The following PCDH15 variants were observed in gnomAD, a reference collection of about 807,000 sequenced individuals.
PCDH15 encodes the protein protocadherin-15.
PCDH15 carries 129 observed loss-of-function variants against 178.5 expected under a neutral mutation model. That is an observed-to-expected ratio of 0.72 (90% CI 0.63 to 0.84). The LOEUF (loss-of-function observed/expected upper bound fraction) is 0.84. Among genes scored for constraint, PCDH15 ranks in the 40% least tolerant of loss-of-function variants. The probability of loss-of-function intolerance (pLI) is 0.00; values close to 1 mark genes in which losing one functional copy is unlikely to be tolerated. For missense variants in PCDH15, 2,230 were observed against 2,099.9 expected, an observed-to-expected ratio of 1.06 and a Z score of -1.21; for synonymous variants, 800 against 732.0, an observed-to-expected ratio of 1.09 and a Z score of -1.50.
chr10:54,999,708 AAAATTCAGCCAGATATCGGGCG>A (rs1839750005), intron 2 of PCDH15, among the ~76,000 whole-genome samples: 1 of 152,168 alleles, frequency 6.6e-6, no homozygotes, highest in Admixed American at 6.5e-5. Context: ...GATATCGGGG[AAAATTCAGCCAGATATCGGGCG>A]AAATTCACCC....
intron 13 of PCDH15, among the ~76,000 whole-genome samples, chr10:54,175,157 T>TA (rs1431161434): frequency 6.6e-6 from 1 of 152,146 alleles, no homozygotes; most frequent in Non-Finnish European, 1.5e-5. Context: ...TAAGTAAATA[T>TA]AACCCTCAAA....
chr10:54,865,825 G>C (rs1953929530), intron 3 of PCDH15, among the ~76,000 whole-genome samples: 1 of 152,138 alleles, frequency 6.6e-6, no homozygotes. Flanking sequence ...AATGTTTGGA[G>C]AACTTAGCTT....
intron 26 of PCDH15, among the ~76,000 whole-genome samples, chr10:53,889,862 A>C (rs2081429285): frequency 6.6e-6 from 1 of 152,230 alleles, no homozygotes; most frequent in African/African-American, 2.4e-5. Flanking sequence ...ATATAGTGTG[A>C]GAAAATGAAT....
At chr10:54,569,295 C>T (rs2089471363) in intron 2 of PCDH15, among the ~76,000 whole-genome samples, 1 of 152,006 alleles carries the variant, frequency 6.6e-6, no homozygotes, top group African/African-American at 2.4e-5. Flanking sequence ...GCACAATAGG[C>T]CATTCAATTA....
chr10:53,939,793 A>T (rs1219940891), intron 24 of PCDH15, among the ~76,000 whole-genome samples: 1 of 152,142 alleles, frequency 6.6e-6, no homozygotes. Context: ...TGTGGGGGAC[A>T]GACGTTAATA....
chr10:55,535,383 AC>A (rs1264412747), intron 2 of PCDH15, among the ~76,000 whole-genome samples: 2 of 152,086 alleles, frequency 1.3e-5, no homozygotes, highest in Non-Finnish European at 2.9e-5. Context: ...ATAAGCCTCT[AC>A]TAGGGCAACA....
chr10:55,084,010 T>A (rs1288611454), intron 2 of PCDH15, among the ~76,000 whole-genome samples: 3 of 151,600 alleles, frequency 2.0e-5, no homozygotes, highest in African/African-American at 7.3e-5. Context: ...CCCAAAGCAA[T>A]ATAAGATAAT....
chr10:54,993,096 T>A (rs997650877), intron 2 of PCDH15, among the ~76,000 whole-genome samples: 1 of 152,052 alleles, frequency 6.6e-6, no homozygotes, highest in Non-Finnish European at 1.5e-5. Context: ...GTACAGACAC[T>A]GAATATAAAG....
chr10:53,827,507 G>C lies in PCDH15; in HGVS notation c.4253C>G (p.Ala1418Gly). 1 of 1,614,122 alleles carries C rather than the reference G, an allele frequency of 6.2e-7. No homozygotes were observed. Among genetic ancestry groups the C allele is most frequent in the South Asian group, 1.1e-5 (1 of 91,088 alleles). The part of the protein sequence containing the change: ...ECTKTARIQA[A>G]LPAAKPAVPA... The stretch of plus-strand genomic sequence containing the variant: ...CACTGCTGGTTTAGCCGCGGGTAAT[G>C]CGGCCTGAATTCGTGCAGTCTTTGT... The change falls in exon 32 of 38, where the codon GCA (alanine) becomes GGA (glycine). Residue 1418 changes from alanine (A) to glycine (G), a missense_variant. By Grantham distance (60) the Ala-to-Gly change is moderately conservative (BLOSUM62 0). Transcript: ENST00000644397.
chr10:54,265,103 A>C (rs570953154), intron 8 of PCDH15, among the ~76,000 whole-genome samples: 1 of 152,164 alleles, frequency 6.6e-6, no homozygotes, highest in Non-Finnish European at 1.5e-5. Context: ...TTAGAGGTCT[A>C]TTTTTAGTAC....
intron 3 of PCDH15, 21 bp from the exon 4 acceptor site, chr10:54,378,963 C>G (rs1209745593): frequency 1.2e-6 from 2 of 1,613,030 alleles, no homozygotes; most frequent in Non-Finnish European, 1.7e-6. Flanking sequence ...AAGAAAGGTA[C>G]TTGAAAACAT....
At chr10:54,399,142 C>T (rs1951614776) in intron 3 of PCDH15, among the ~76,000 whole-genome samples, 1 of 152,046 alleles carries the variant, frequency 6.6e-6, no homozygotes, top group Non-Finnish European at 1.5e-5. Flanking sequence ...TACATAATCA[C>T]ATACATGTAA....
intron 3 of PCDH15, among the ~76,000 whole-genome samples, chr10:54,444,053 A>G (rs2075999223): frequency 6.6e-6 from 1 of 151,742 alleles, no homozygotes; most frequent in South Asian, 2.1e-4. Context: ...CATTCTTTTT[A>G]AAACTAATTC....
At chr10:55,414,013 T>G (rs1052471271) in intron 2 of PCDH15, among the ~76,000 whole-genome samples, 67 of 151,548 alleles carry the variant, frequency 4.4e-4, no homozygotes, top group African/African-American at 1.5e-3. Context: ...TATAACAGTT[T>G]ATTAGAAAAA....
At chr10:54,679,555 A>T (rs1048726687) in intron 1 of PCDH15, among the ~76,000 whole-genome samples, 1 of 152,224 alleles carries the variant, frequency 6.6e-6, no homozygotes, top group Non-Finnish European at 1.5e-5. Flanking sequence ...AGCATAAGCT[A>T]TTCCAACTGA....
At chr10:54,981,943 T>G (rs987647265) in intron 2 of PCDH15, among the ~76,000 whole-genome samples, 1 of 151,916 alleles carries the variant, frequency 6.6e-6, no homozygotes, top group Non-Finnish European at 1.5e-5. Context: ...TTCCTTTTTT[T>G]TTTTTCTTTA....
chr10:55,003,650 A>T (rs1839850593), intron 2 of PCDH15, among the ~76,000 whole-genome samples: 1 of 152,212 alleles, frequency 6.6e-6, no homozygotes, highest in Non-Finnish European at 1.5e-5. Flanking sequence ...ATTTTATGTT[A>T]TAATAGGACA....
At chr10:53,918,088 C>T (rs1268339546) in intron 25 of PCDH15, among the ~76,000 whole-genome samples, 1 of 152,140 alleles carries the variant, frequency 6.6e-6, no homozygotes, top group Non-Finnish European at 1.5e-5. Context: ...ATTACCCAGC[C>T]TCAGGCATTC....
chr10:54,543,652 T>C (rs766694437), intron 2 of PCDH15, among the ~76,000 whole-genome samples: 1 of 152,210 alleles, frequency 6.6e-6, no homozygotes, highest in African/African-American at 2.4e-5. Flanking sequence ...TGGATCATTC[T>C]TGTCACACCC....
Sources: allele counts gnomAD v4.1 joint callset (sites outside exome capture counted in the v4.1 genomes callset), GRCh38; gene constraint gnomAD v4.1.1; transcripts MANE v1.5; gene names NCBI Gene and HGNC (gene_info 2026-07-23, HGNC 2026-07-21).